Variants in NUP98 observed in about 807,000 individuals in gnomAD.
The protein encoded by NUP98 is nucleoporin 98 and 96 precursor.
A neutral mutation model predicts 191.9 loss-of-function variants in NUP98; 26 were observed. That is an observed-to-expected ratio of 0.14 (90% CI 0.10 to 0.19). NUP98 has a LOEUF of 0.19. NUP98 is among the 10% of genes least tolerant of loss of function. The pLI is 1.00. For synonymous variants in NUP98, 808 were observed against 778.4 expected (o/e 1.04, Z -0.63); for missense variants, 1,941 against 2,178.8 (o/e 0.89, Z 2.17).
intron 27 of NUP98, among the ~76,000 whole-genome samples, chr11:3,691,715 G>A (rs563598835): frequency 1.3e-5 from 2 of 152,042 alleles, no homozygotes; most frequent in South Asian, 2.1e-4. Context: ...CACCACACCC[G>A]GCTAATTTTT....
At chr11:3,776,716 T>TC (rs2081744661) in intron 4 of NUP98, among the ~76,000 whole-genome samples, 1 of 151,796 alleles carries the variant, frequency 6.6e-6, no homozygotes, top group Non-Finnish European at 1.5e-5. Context: ...ATGGTCTCGA[T>TC]CTCTTGACCT....
At position 3,716,375 on chromosome 11, in the gene NUP98, C is replaced by T. The variant is rs77364309; in HGVS notation, c.2400-2380G>A. On this transcript the variant is annotated intron_variant, in intron 18 of 32. Coordinates refer to ENST00000324932, the MANE Select transcript of NUP98 (RefSeq NM_016320.5). ...TTTAGTTTTTTTTATGTGTGCTCCA[C>T]ACCACCCTGCCCCCGAGTAATTTTT... 4.1e-3 allele frequency among the ~76,000 whole-genome samples: 617 copies of T among 151,726 alleles called. 22 individuals are homozygous for T. In the East Asian group the frequency reaches 0.089, roughly 22 times the overall value.
chr11:3,740,125 G>A (rs895156431), intron 12 of NUP98, among the ~76,000 whole-genome samples: 2 of 152,104 alleles, frequency 1.3e-5, no homozygotes, highest in African/African-American at 2.4e-5. Context: ...ATCAAATGAC[G>A]CGTATCTACC....
chr11:3,706,510 G>C lies in NUP98; in HGVS notation c.2860C>G (p.Gln954Glu), dbSNP rs761125518. The change falls in exon 21 of 33, where the codon CAG (glutamine) becomes GAG (glutamate). Residue 954 changes from glutamine to glutamate, a missense_variant. Around this residue, in one of 6 missense-constraint regions of NUP98, gnomAD observed 1,030 missense variants for 1,115.8 expected, o/e 0.92. Coordinates refer to ENST00000324932, the MANE Select transcript of NUP98 (RefSeq NM_016320.5). The stretch of plus-strand genomic sequence containing the variant: ...TGTGTTGAGGCAGACACAGGTTCCT[G>C]ATCCTCAGGCATGCTCTCTTCTAAC... ...TMLEESMPED[Q>E]EPVSASTHIA... 1 of 1,614,114 alleles carries C rather than the reference G, an allele frequency of 6.2e-7. No homozygotes were observed. Among genetic ancestry groups the C allele is most frequent in the Non-Finnish European group, 8.5e-7 (1 of 1,179,996 alleles).
At chr11:3,794,353 C>T (rs188945700) in intron 1 of NUP98, among the ~76,000 whole-genome samples, 2 of 152,170 alleles carry the variant, frequency 1.3e-5, no homozygotes, top group African/African-American at 4.8e-5. Flanking sequence ...GTCAGAGTCT[C>T]GCTGTCGCCC....
At chr11:3,702,324 CTCTCTCTCTCTCTCT>C (rs1280487702) in intron 23 of NUP98, 124 bp downstream of exon 23, 1,792 of 151,648 alleles carry the variant, frequency 0.012, 16 homozygotes, top group South Asian at 0.016. Flanking sequence ...CTCTCTCTCT[CTCTCTCTCTCTCTCT>C]CTCTCTCTCT....
rs74234605 is a variant in NUP98, at chr11:3,776,816, T to C, written c.356-795A>G. ...CCAAATAGAAATTCATACAGAAAGA[T>C]ACGTACTTCCAGGCTCACAACTTTC... On this transcript the variant is annotated intron_variant, in intron 4 of 32. Transcript: ENST00000324932. Among the ~76,000 whole-genome samples, 1,004 of 152,122 alleles carry C rather than the reference T, an allele frequency of 6.6e-3. 28 individuals carry two copies. The highest frequency in any genetic ancestry group is 0.046 in the Admixed American group (704 of 15,274).
At position 3,791,503 on chromosome 11, in the gene NUP98, C is replaced by A. The variant is rs1357732224; in HGVS notation, c.-29+5897G>T. Among the ~76,000 whole-genome samples the A allele has an allele frequency of 3.0e-5, 4 of 132,648 alleles. No individual in the cohort carries two copies. In the Admixed American group the frequency reaches 3.3e-4, roughly 11 times the overall value. 87.0% of individuals were successfully genotyped at this position (132,648 alleles called of 152,430 possible). A position where few individuals can be genotyped will look rare whatever the true frequency, so the allele number is the denominator to read the frequency against. ...GAGTTGAGATCCCACCATTGTACTC[C>A]AGCCTGGGGGAAAGACCGAGACCTC... On this transcript the variant is annotated intron_variant, in intron 1 of 32. Coordinates refer to ENST00000324932, the MANE Select transcript of NUP98 (RefSeq NM_016320.5).
chr11:3,715,834 T>G (rs2134186245), intron 18 of NUP98, among the ~76,000 whole-genome samples: 1 of 152,290 alleles, frequency 6.6e-6, no homozygotes, highest in East Asian at 1.9e-4. Context: ...CTTGAACTCC[T>G]GGCCTCAAGC....
At position 3,702,320 on chromosome 11, in the gene NUP98, CTCTCTCTCTCTCTCTCTCTCTCT is replaced by C. The variant is rs2078720846; in HGVS notation, c.3512+120_3512+142del. The C allele has an allele frequency of 3.0e-5, 3 of 99,016 alleles. No individual in the cohort carries two copies. The African/African-American group carries it at 1.1e-3, about 35-fold the overall frequency. 6.1% of individuals were successfully genotyped at this position (99,016 alleles called of 1,614,324 possible). A position where few individuals can be genotyped will look rare whatever the true frequency, so the allele number is the denominator to read the frequency against. On this transcript the variant is annotated intron_variant, in intron 23 of 32. Coordinates refer to ENST00000324932, the MANE Select transcript of NUP98 (RefSeq NM_016320.5). The stretch of plus-strand genomic sequence containing the variant: ...ACACACACACACACACACACTCTCT[CTCTCTCTCTCTCTCTCTCTCTCT>C]CTCTCTCTCTCTCTCTCTCTCTCTC...
intron 1 of NUP98, among the ~76,000 whole-genome samples, chr11:3,784,379 T>C (rs2082071004): frequency 6.6e-6 from 1 of 152,088 alleles, no homozygotes; most frequent in Non-Finnish European, 1.5e-5. Context: ...ACTGAGTAAC[T>C]CCTTTGATTA....
At chr11:3,725,961 T>C (rs192824076) in intron 14 of NUP98, among the ~76,000 whole-genome samples, 40 of 152,268 alleles carry the variant, frequency 2.6e-4, no homozygotes, top group African/African-American at 9.1e-4. Context: ...GCTGGGACGA[T>C]AGGCACCCAC....
At chr11:3,755,636 G>A (rs1445638376) in intron 10 of NUP98, among the ~76,000 whole-genome samples, 1 of 152,136 alleles carries the variant, frequency 6.6e-6, no homozygotes, top group Non-Finnish European at 1.5e-5. Context: ...GAATATAAAA[G>A]TTTAAAAACA....
At chr11:3,785,809 T>G (rs2082123437) in intron 1 of NUP98, among the ~76,000 whole-genome samples, 1 of 152,092 alleles carries the variant, frequency 6.6e-6, no homozygotes, top group Admixed American at 6.5e-5. Flanking sequence ...GCATTAACTA[T>G]TTTCCATTCC....
intron 26 of NUP98, among the ~76,000 whole-genome samples, chr11:3,693,742 G>A (rs1175643605): frequency 3.9e-5 from 6 of 152,168 alleles, no homozygotes; most frequent in Non-Finnish European, 7.3e-5. Context: ...GAGCCATTGA[G>A]AGCAGAGAGA....
At chr11:3,711,783 C>T in intron 20 of NUP98, 1 of 720,932 alleles carries the variant, frequency 1.4e-6, no homozygotes, top group East Asian at 6.7e-5. Context: ...ATTTATCATA[C>T]CCTCCCCTCC....
chr11:3,746,294 A>ACG (rs144936005), intron 11 of NUP98, among the ~76,000 whole-genome samples: 2 of 93,086 alleles, frequency 2.1e-5, no homozygotes, highest in African/African-American at 5.0e-5. Flanking sequence ...AAAAAAAAAA[A>ACG]GACAGCTTTG....
At chr11:3,791,018 T>C (rs373481196) in intron 1 of NUP98, among the ~76,000 whole-genome samples, 2 of 151,786 alleles carry the variant, frequency 1.3e-5, no homozygotes, top group Non-Finnish European at 2.9e-5. Context: ...GCGTCAGCCT[T>C]CCGAGTAACT....
At chr11:3,719,763 C>T (rs2079322619) in intron 17 of NUP98, among the ~76,000 whole-genome samples, 1 of 151,232 alleles carries the variant, frequency 6.6e-6, no homozygotes, top group South Asian at 2.1e-4. Context: ...TTTTTCTTTT[C>T]TTTTCTTTTC....
Sources: allele counts gnomAD v4.1 joint callset (sites outside exome capture counted in the v4.1 genomes callset), GRCh38; gene constraint gnomAD v4.1.1; regional missense constraint gnomAD v4.1.1; transcripts MANE v1.5; gene names NCBI Gene and HGNC (gene_info 2026-07-23, HGNC 2026-07-21).